CCDC157: variants seen among roughly 807,000 people sequenced by gnomAD.
CCDC157 encodes coiled-coil domain-containing protein 157.
Under a neutral mutation model 70.9 loss-of-function variants are expected in CCDC157, and 60 were observed. The ratio of observed to expected loss-of-function variants is 0.85; its 90% CI spans 0.69 to 1.05. CCDC157 has a LOEUF of 1.05. Ranked by LOEUF, CCDC157 falls within the 50% of genes least tolerant of loss-of-function variation. The pLI is 0.00. For synonymous variants in CCDC157, 373 were observed against 422.4 expected (o/e 0.88, Z 1.43); for missense variants, 943 against 984.2 (o/e 0.96, Z 0.56).
At chr22:30,371,607 G>T (rs1190838653) in intron 5 of CCDC157, 43 bp from the exon 6 acceptor site, 1 of 1,548,872 alleles carries the variant, frequency 6.5e-7, no homozygotes, top group Non-Finnish European at 8.9e-7. Context: ...CGCCGGCCAG[G>T]TCCATGGGAC....
At chr22:30,360,808 G>T (rs1474930433) in intron 1 of CCDC157, among the ~76,000 whole-genome samples, 1 of 152,184 alleles carries the variant, frequency 6.6e-6, no homozygotes, top group Non-Finnish European at 1.5e-5. Context: ...AGCACTTTGG[G>T]AGGCTGAGGT....
At chr22:30,370,108 G>C (rs1341638820) in intron 4 of CCDC157, 1 of 642,974 alleles carries the variant, frequency 1.6e-6, no homozygotes, top group Non-Finnish European at 2.7e-6. Context: ...CTGGAGCTTG[G>C]GGTGCGGGCC....
Position 30,372,276 on chromosome 22 carries a change from G to A in CCDC157, c.1325G>A (p.Arg442His), listed in dbSNP as rs199564078. The change falls in exon 7 of 12, where the codon CGC becomes CAC. Residue 442 changes from arginine (R) to histidine (H), a missense_variant. By Grantham distance (29) the Arg-to-His change is conservative (BLOSUM62 0). Coordinates refer to ENST00000338306, the MANE Select transcript of CCDC157 (RefSeq NM_001017437.5). The stretch of plus-strand genomic sequence containing the variant: ...AAGGCCCGTGTCGACAGCATGGTCC[G>A]CCACCAGGAGGTGAGGCCAGGGCCC... Reference protein sequence around the residue: ...KEKARVDSMVRHQESLQAKQR... With the variant: ...KEKARVDSMVHHQESLQAKQR... 5.2e-4 allele frequency: 818 copies of A among 1,568,568 alleles called. 9 individuals carry two copies. The South Asian group carries it at 8.1e-3, about 15-fold the overall frequency.
chr22:30,376,873 T>G lies in CCDC157; in HGVS notation c.*128T>G. 1 of 957,350 alleles carries G rather than the reference T, an allele frequency of 1.0e-6. No homozygotes were observed. Among genetic ancestry groups the G allele is most frequent in the Non-Finnish European group, 1.5e-6 (1 of 650,768 alleles). The allele number at this position is 957,350 out of a possible 1,614,324, so 59.3% of individuals were successfully genotyped here. On this transcript the variant is annotated 3_prime_UTR_variant, in exon 12 of 12. Coordinates refer to ENST00000338306, the MANE Select transcript of CCDC157 (RefSeq NM_001017437.5). Reference sequence around the variant, plus strand: ...ACTGAGCCAAGGAAAGAACCCTTCCTTCCCTGTCCTGGGCAGGGGCCACTG... The same window carrying G: ...ACTGAGCCAAGGAAAGAACCCTTCCGTCCCTGTCCTGGGCAGGGGCCACTG...
chr22:30,372,117 C>G lies in CCDC157; in HGVS notation c.1166C>G (p.Ala389Gly). 6.4e-7 allele frequency: 1 copy of G among 1,557,456 alleles called. No individual in the cohort carries two copies. The change falls in exon 7 of 12, where the codon GCG becomes GGG. Residue 389 changes from alanine to glycine, a missense_variant. Coordinates refer to ENST00000338306, the MANE Select transcript of CCDC157 (RefSeq NM_001017437.5). ...QQLQEEGERR[A>G]AAERQVQQLE... ...CTGCAGGAGGAAGGTGAGCGCAGGG[C>G]GGCAGCGGAGAGGCAGGTGCAGCAG...
intron 1 of CCDC157, among the ~76,000 whole-genome samples, chr22:30,357,906 C>T (rs1932033831): frequency 6.6e-6 from 1 of 152,146 alleles, no homozygotes; most frequent in Admixed American, 6.5e-5. Context: ...TCAAGCGATC[C>T]TCCCGCCTTG....
In CCDC157 at chr22:30,366,068, G is replaced by GTGCCA; in HGVS notation, c.70_74dup (p.Ile25MetfsTer4). 1 of 1,609,162 alleles carries GTGCCA rather than the reference G, an allele frequency of 6.2e-7. No individual in the cohort carries two copies. Among genetic ancestry groups the GTGCCA allele is most frequent in the Non-Finnish European group, 8.5e-7 (1 of 1,179,866 alleles). Reference sequence around the variant, plus strand: ...CGCACAGACCTCACCGACCTGCAGGGTGCCATCGTAGACGTCTTCTCCCGC... The same window carrying GTGCCA: ...CGCACAGACCTCACCGACCTGCAGGGTGCCATGCCATCGTAGACGTCTTCTCCCGC... On this transcript the variant is annotated frameshift_variant, in exon 3 of 12. Transcript: ENST00000338306. LOFTEE classifies it high-confidence loss of function.
intron 1 of CCDC157, among the ~76,000 whole-genome samples, chr22:30,359,457 G>T (rs773011417): frequency 6.6e-6 from 1 of 152,206 alleles, no homozygotes; most frequent in Non-Finnish European, 1.5e-5. Context: ...AGTTCCTGGA[G>T]GACAGGGCTC....
chr22:30,374,810 G>A (rs1933222463), intron 9 of CCDC157: 3 of 450,862 alleles, frequency 6.7e-6, no homozygotes, highest in Admixed American at 2.4e-5. Context: ...ACAAAAGCAG[G>A]GGAAGAGCAG....
chr22:30,357,668 ATTT>A (rs71198545), intron 1 of CCDC157, among the ~76,000 whole-genome samples: 11,908 of 131,322 alleles, frequency 0.091, 562 homozygotes, highest in African/African-American at 0.11. Flanking sequence ...CACCCGGCTA[ATTT>A]TTTTTTTTTT....
Position 30,373,619 on chromosome 22 carries a change from C to T in CCDC157, c.1358C>T (p.Ala453Val), listed in dbSNP as rs2051902366. 3 of 1,555,754 alleles carry T rather than the reference C, an allele frequency of 1.9e-6. No individual in the cohort carries two copies. The highest frequency in any genetic ancestry group is 2.7e-5 in the African/African-American group (2 of 73,432). Reference sequence around the variant, plus strand: ...TAGTCTCTGCAGGCCAAGCAGCGAGCCCTGCTAAAGCAGCTGGACAGCCTG... The same window carrying T: ...TAGTCTCTGCAGGCCAAGCAGCGAGTCCTGCTAAAGCAGCTGGACAGCCTG... ...HQESLQAKQR[A>V]LLKQLDSLDQ... is the part of the protein sequence containing the mutation. Residue 453 changes from alanine (A) to valine (V), a missense_variant, in exon 8 of 12, where the codon GCC (alanine) becomes GTC (valine). By Grantham distance (64) the Ala-to-Val change is moderately conservative (BLOSUM62 0). Transcript: ENST00000338306.
In CCDC157 at chr22:30,378,283, C is replaced by A. The variant is rs891870032; in HGVS notation, c.*1538C>A. ...GGCAAGGCTCACACTCAAATACTTTCCCTATCTTCAGGTCAGCTTGCTATA... is the reference window on the plus strand; with the variant it reads ...GGCAAGGCTCACACTCAAATACTTTACCTATCTTCAGGTCAGCTTGCTATA... On this transcript the variant is annotated 3_prime_UTR_variant, in exon 12 of 12. Transcript: ENST00000338306. 11 of 397,070 alleles carry A rather than the reference C, an allele frequency of 2.8e-5. No homozygotes were observed. The Admixed American group carries it at 2.9e-4, about 10-fold the overall frequency. The allele number at this position is 397,070 out of a possible 1,614,324, so 24.6% of individuals were successfully genotyped here.
chr22:30,367,983 G>A (rs184488740), intron 3 of CCDC157, among the ~76,000 whole-genome samples: 289 of 152,160 alleles, frequency 1.9e-3, no homozygotes, highest in African/African-American at 6.5e-3. Context: ...CCTAAGAAGC[G>A]GAGGTTGCAG....
rs761901253 is a variant in CCDC157, at chr22:30,378,111, G to A, written c.*1366G>A. ...GGTCCTCTCACGGCTCCTAGAGGCC[G>A]TCCACCTTCCTTGCCATGGGGCTCC... On this transcript the variant is annotated 3_prime_UTR_variant, in exon 12 of 12. Transcript: ENST00000338306. 47 of 471,058 alleles carry A rather than the reference G, an allele frequency of 1.0e-4. No individual in the cohort carries two copies. The highest frequency in any genetic ancestry group is 4.5e-4 in the South Asian group (29 of 64,570). The allele number at this position is 471,058 out of a possible 1,614,324, so 29.2% of individuals were successfully genotyped here.
chr22:30,361,889 G>A (rs1222593239), intron 1 of CCDC157, 72 bp from the exon 2 acceptor site: 1 of 152,456 alleles, frequency 6.6e-6, no homozygotes, highest in Admixed American at 6.5e-5. Flanking sequence ...TTCCTGGACA[G>A]CCTTCTACCC....
chr22:30,373,772 T>TGGGG lies in CCDC157; in HGVS notation c.1503+10_1503+13dup. 6.5e-7 allele frequency: 1 copy of TGGGG among 1,544,726 alleles called. No homozygotes were observed. The highest frequency in any genetic ancestry group is 8.7e-7 in the Non-Finnish European group (1 of 1,143,750). The stretch of plus-strand genomic sequence containing the variant: ...CAGCTCAGGGCCCAGCAGGTGAGGG[T>TGGGG]GGGGGTCTTCCTTTTTGCCAGAGAA... On this transcript the variant is annotated intron_variant, in intron 8 of 11. Coordinates refer to ENST00000338306, the MANE Select transcript of CCDC157 (RefSeq NM_001017437.5).
Position 30,370,648 on chromosome 22 carries a change from C to T in CCDC157, c.743C>T (p.Pro248Leu), listed in dbSNP as rs2145920657. 1 of 1,613,996 alleles carries T rather than the reference C, an allele frequency of 6.2e-7. No individual in the cohort carries two copies. The part of the protein sequence containing the change: ...VISLCQSQNL[P>L]SSLGQFQQLV... Reference sequence around the variant, plus strand: ...AGCCTGTGTCAGAGCCAGAACCTGCCCTCGTCCTTAGGCCAGTTCCAGCAA... The same window carrying T: ...AGCCTGTGTCAGAGCCAGAACCTGCTCTCGTCCTTAGGCCAGTTCCAGCAA... Residue 248 changes from proline (P) to leucine (L), a missense_variant, in exon 5 of 12, where the codon CCC becomes CTC. Physicochemically the swap from Pro to Leu is moderately conservative, Grantham distance 98. Transcript: ENST00000338306.
intron 10 of CCDC157, 90 bp downstream of exon 10, chr22:30,375,753 A>G: frequency 8.7e-7 from 1 of 1,151,682 alleles, no homozygotes; most frequent in East Asian, 2.6e-5. Flanking sequence ...ACTTGTGGAG[A>G]GCCCACCTCA....
In CCDC157 at chr22:30,370,855, C is replaced by G. The variant is rs546033949; in HGVS notation, c.950C>G (p.Ala317Gly). 1 of 1,612,440 alleles carries G rather than the reference C, an allele frequency of 6.2e-7. No homozygotes were observed. Among genetic ancestry groups the G allele is most frequent in the South Asian group, 1.1e-5 (1 of 91,030 alleles). Residue 317 changes from alanine (A) to glycine (G), a missense_variant, in exon 5 of 12, where the codon GCG (alanine) becomes GGG (glycine). Ala to Gly is a moderately conservative substitution (Grantham distance 60, BLOSUM62 0). Transcript: ENST00000338306. ...LRKQAGKLEQALKQEQGARRR... is the reference protein window; with the variant it reads ...LRKQAGKLEQGLKQEQGARRR... ...AAGCAGGCGGGCAAGCTGGAGCAGGCGCTGAAACAGGAGCAGGGGGCACGG... is the reference window on the plus strand; with the variant it reads ...AAGCAGGCGGGCAAGCTGGAGCAGGGGCTGAAACAGGAGCAGGGGGCACGG...
Sources: gnomAD v4.1 joint callset for allele counts (sites outside exome capture counted in the v4.1 genomes callset) on GRCh38, gnomAD v4.1.1 for gene constraint, MANE v1.5 for transcripts, NCBI Gene and HGNC (gene_info 2026-07-23, HGNC 2026-07-21) for gene names.